The following BNC2 variants were observed in gnomAD, a reference collection of about 807,000 sequenced individuals.
BNC2 encodes zinc finger protein basonuclin-2.
In BNC2, 20 loss-of-function variants were observed where a neutral mutation model predicts 76.3. The observed-to-expected ratio is 0.26, with a 90% CI of 0.18 to 0.38. The LOEUF (loss-of-function observed/expected upper bound fraction) is 0.38, where lower values mean the gene tolerates loss of function less well. Among genes scored for constraint, BNC2 ranks in the 10% least tolerant of loss-of-function variants. BNC2 has a pLI of 1.00. For synonymous variants in BNC2, 582 were observed against 514.8 expected (o/e 1.13, Z -1.77); for missense variants, 1,382 against 1,399.8 (o/e 0.99, Z 0.20).
intron 5 of BNC2, among the ~76,000 whole-genome samples, chr9:16,443,265 C>T (rs1214124185): frequency 2.0e-5 from 3 of 152,084 alleles, no homozygotes; most frequent in African/African-American, 7.2e-5. Context: ...CTGCTGACTA[C>T]CTAAAACAAA....
intron 5 of BNC2, among the ~76,000 whole-genome samples, chr9:16,447,031 T>G (rs1342346366): frequency 6.6e-6 from 1 of 152,120 alleles, no homozygotes; most frequent in African/African-American, 2.4e-5. Flanking sequence ...ACTTCAAAGA[T>G]TCCAAAGTAT....
At chr9:16,849,023 G>A (rs1420615226) in intron 1 of BNC2, among the ~76,000 whole-genome samples, 8 of 152,074 alleles carry the variant, frequency 5.3e-5, no homozygotes, top group Non-Finnish European at 1.0e-4. Flanking sequence ...TCCAAAATCT[G>A]AATAAATCTG....
chr9:16,424,350 G>A (rs760581378), intron 6 of BNC2, among the ~76,000 whole-genome samples: 1 of 151,688 alleles, frequency 6.6e-6, no homozygotes, highest in African/African-American at 2.4e-5. Flanking sequence ...CAAGCTATAG[G>A]TTGCATGAAG....
chr9:16,858,949 TA>T (rs1442526488), intron 1 of BNC2, among the ~76,000 whole-genome samples: 1 of 152,028 alleles, frequency 6.6e-6, no homozygotes. Context: ...AAAAAATGTG[TA>T]AATCATATTT....
rs1223385000 is a variant in BNC2 at position 16,419,459 on chromosome 9, A to G, written c.2830T>C (p.Ser944Pro). The G allele has an allele frequency of 2.5e-6, 4 of 1,613,362 alleles. No individual in the cohort carries two copies. Among genetic ancestry groups the G allele is most frequent in the East Asian group, 2.2e-5 (1 of 44,844 alleles). The change falls in exon 7 of 7, where the codon TCC becomes CCC. Residue 944 changes from serine (S) to proline (P), a missense_variant. Transcript: ENST00000380672. ...CCTCTCCCATACCCGTTCAGGTGGGAGTCTTCAGTCCCTGCGGGAGAGGAG... is the reference window on the plus strand; with the variant it reads ...CCTCTCCCATACCCGTTCAGGTGGGGGTCTTCAGTCCCTGCGGGAGAGGAG... ...DASSPAGTED[S>P]HLNGYGRGMA...
intron 4 of BNC2, among the ~76,000 whole-genome samples, chr9:16,567,650 G>A (rs182760405): frequency 6.6e-6 from 1 of 152,126 alleles, no homozygotes; most frequent in East Asian, 1.9e-4. Flanking sequence ...GCTTTTCACT[G>A]ATCCTACAAA....
At chr9:16,497,133 G>A (rs936335792) in intron 5 of BNC2, among the ~76,000 whole-genome samples, 1 of 152,222 alleles carries the variant, frequency 6.6e-6, no homozygotes, top group Admixed American at 6.5e-5. Context: ...TATTGTGCAT[G>A]GCCACTCTGG....
At position 16,462,354 on chromosome 9, in the gene BNC2, C is replaced by A. The variant is rs184409141; in HGVS notation, c.670-24830G>T. ...GGAGCCATCTCCTGAGATTCTGCCC[C>A]CAACTTTTATATTGAGATAAAGCAC... On this transcript the variant is annotated intron_variant, in intron 5 of 6. Coordinates refer to ENST00000380672, the MANE Select transcript of BNC2 (RefSeq NM_017637.6). Among the ~76,000 whole-genome samples, 6 of 152,254 alleles carry A rather than the reference C, an allele frequency of 3.9e-5. No individual in the cohort carries two copies. In the East Asian group the frequency reaches 1.2e-3, roughly 29 times the overall value.
rs117581216 is a variant in BNC2 at position 16,806,423 on chromosome 9, A to G, written c.3+64223T>C. ...AGAAGGAAGGAAATAATGCAGAGGAACGGAGTGCTATTTTGAAGGTTCACT... is the reference window on the plus strand; with the variant it reads ...AGAAGGAAGGAAATAATGCAGAGGAGCGGAGTGCTATTTTGAAGGTTCACT... On this transcript the variant is annotated intron_variant, in intron 1 of 6. Coordinates refer to ENST00000380672, the MANE Select transcript of BNC2 (RefSeq NM_017637.6). Among the ~76,000 whole-genome samples, 57 of 152,308 alleles carry G rather than the reference A, an allele frequency of 3.7e-4. 2 individuals carry two copies. The East Asian group carries it at 0.011, about 29-fold the overall frequency.
chr9:16,788,424 GCT>G (rs1826367074), intron 1 of BNC2, among the ~76,000 whole-genome samples: 1 of 151,938 alleles, frequency 6.6e-6, no homozygotes, highest in African/African-American at 2.4e-5. Flanking sequence ...GTGGTGGTAG[GCT>G]CCTGTAATTC....
At chr9:16,503,140 TAA>T (rs1822555986) in intron 5 of BNC2, among the ~76,000 whole-genome samples, 1 of 152,006 alleles carries the variant, frequency 6.6e-6, no homozygotes, top group African/African-American at 2.4e-5. Flanking sequence ...GAAAAGAATA[TAA>T]GAGGAAAAAC....
At chr9:16,559,828 T>C (rs574501548) in intron 4 of BNC2, among the ~76,000 whole-genome samples, 1 of 152,346 alleles carries the variant, frequency 6.6e-6, no homozygotes, top group African/African-American at 2.4e-5. Flanking sequence ...TTAACTTATC[T>C]CTGAGGTACG....
chr9:16,782,773 A>C (rs1262612183), intron 1 of BNC2, among the ~76,000 whole-genome samples: 1 of 152,210 alleles, frequency 6.6e-6, no homozygotes, highest in Non-Finnish European at 1.5e-5. Flanking sequence ...AGATACTCTG[A>C]AGGCCAGAAA....
At chr9:16,568,126 T>G (rs1299258088) in intron 4 of BNC2, among the ~76,000 whole-genome samples, 2 of 152,148 alleles carry the variant, frequency 1.3e-5, no homozygotes, top group African/African-American at 4.8e-5. Context: ...CTCAACTCCC[T>G]TTAGAATTCC....
rs540771928 is a variant in BNC2 at position 16,455,581 on chromosome 9, A to T, written c.670-18057T>A. 2.0e-5 allele frequency among the ~76,000 whole-genome samples: 3 copies of T among 152,354 alleles called. No homozygotes were observed. The South Asian group carries it at 6.2e-4, about 32-fold the overall frequency. ...CAAGGCAGGTGGATCACCTGAGGTC[A>T]GGAGTTTAAGACCAGCCTGGCCAAC... is the stretch of plus-strand genomic sequence containing the variant. On this transcript the variant is annotated intron_variant, in intron 5 of 6. Coordinates refer to ENST00000380672, the MANE Select transcript of BNC2 (RefSeq NM_017637.6).
intron 3 of BNC2, among the ~76,000 whole-genome samples, chr9:16,594,259 C>T (rs1265795561): frequency 1.3e-5 from 2 of 152,152 alleles, no homozygotes; most frequent in African/African-American, 4.8e-5. Flanking sequence ...TTATCACACA[C>T]TTTGGTGACG....
rs543681967 is a variant in BNC2 at position 16,737,051 on chromosome 9, C to T, written c.129+1309G>A. On this transcript the variant is annotated intron_variant, in intron 2 of 6. Transcript: ENST00000380672. ...GAACTCCCAACCTCAGGAGATCCAC[C>T]TGCCTCAGCCTCCCAAAGTGCTGGG... 2.0e-5 allele frequency among the ~76,000 whole-genome samples: 3 copies of T among 152,042 alleles called. No individual in the cohort carries two copies. In the East Asian group the frequency reaches 5.9e-4, roughly 30 times the overall value.
In BNC2 at chr9:16,846,086, C is replaced by T. The variant is rs553024655; in HGVS notation, c.3+24560G>A. Among the ~76,000 whole-genome samples, 7 of 151,216 alleles carry T rather than the reference C, an allele frequency of 4.6e-5. No individual in the cohort carries two copies. The South Asian group carries it at 1.5e-3, about 32-fold the overall frequency. On this transcript the variant is annotated intron_variant, in intron 1 of 6. Coordinates refer to ENST00000380672, the MANE Select transcript of BNC2 (RefSeq NM_017637.6). ...ACCCAGGAGACGGAGCTTGCACTGA[C>T]CCCAGATCGCGCCACTGCACTCCAA... is the stretch of plus-strand genomic sequence containing the variant.
intron 1 of BNC2, among the ~76,000 whole-genome samples, chr9:16,863,266 C>T (rs1375364378): frequency 6.6e-6 from 1 of 152,174 alleles, no homozygotes; most frequent in Non-Finnish European, 1.5e-5. Flanking sequence ...AAGGCTGGGG[C>T]ATAGCCCTAG....
Sources: allele counts gnomAD v4.1 joint callset (sites outside exome capture counted in the v4.1 genomes callset), GRCh38; gene constraint gnomAD v4.1.1; transcripts MANE v1.5; gene names NCBI Gene and HGNC (gene_info 2026-07-23, HGNC 2026-07-21).